The following KIF24 variants were observed in gnomAD, a reference collection of about 807,000 sequenced individuals.
KIF24 encodes kinesin family member 24.
Under a neutral mutation model 118.9 loss-of-function variants are expected in KIF24, and 81 were observed. The observed-to-expected ratio is 0.68, with a 90% CI of 0.57 to 0.82. The LOEUF is 0.82. KIF24 is among the 40% of genes least tolerant of loss of function. KIF24 has a pLI of 0.00. For missense variants in KIF24, 1,560 were observed against 1,661.6 expected, an observed-to-expected ratio of 0.94 and a Z score of 1.06; for synonymous variants, 599 against 610.0, an observed-to-expected ratio of 0.98 and a Z score of 0.27.
chr9:34,317,333 T>C (rs1837361984), intron 1 of KIF24, among the ~76,000 whole-genome samples: 1 of 151,282 alleles, frequency 6.6e-6, no homozygotes, highest in Non-Finnish European at 1.5e-5. Context: ...GACATTGCAG[T>C]GAGCCAAGAT....
At chr9:34,329,902 CAG>C (rs1238783577), upstream of KIF24, among the ~76,000 whole-genome samples, 1 of 152,234 alleles carries the variant, frequency 6.6e-6, no homozygotes, top group Non-Finnish European at 1.5e-5. Flanking sequence ...GTTTAGGGCC[CAG>C]AGGCCCAGGC....
At chr9:34,282,335 C>G (rs1835875987) in intron 6 of KIF24, among the ~76,000 whole-genome samples, 1 of 152,066 alleles carries the variant, frequency 6.6e-6, no homozygotes, top group African/African-American at 2.4e-5. Flanking sequence ...GGCAAATCCA[C>G]AGAGATAGAA....
chr9:34,290,125 CTT>C (rs1408228762), intron 5 of KIF24, 47 bp downstream of exon 5: 1 of 1,365,080 alleles, frequency 7.3e-7, no homozygotes, highest in Admixed American at 1.8e-5. Context: ...GGGACTCTGG[CTT>C]AAAATAGCGA....
chr9:34,290,370 C>T lies in KIF24; in HGVS notation c.931G>A (p.Ala311Thr). Residue 311 changes from alanine to threonine, a missense_variant, in exon 5 of 13, where the codon GCT (alanine) becomes ACT (threonine). Ala to Thr is a moderately conservative substitution (Grantham distance 58, BLOSUM62 0). Coordinates refer to ENST00000402558, the MANE Select transcript of KIF24 (RefSeq NM_194313.4). ...IFNGGNATCF[A>T]YGQTGAGKTY... is the part of the protein sequence containing the mutation. ...TTTCCAGCACCTGTCTGTCCATAAG[C>T]AAAGCAAGTGGCATTGCCTCTGGGG... is the stretch of plus-strand genomic sequence containing the variant. 2 of 1,609,652 alleles carry T rather than the reference C, an allele frequency of 1.2e-6. No individual in the cohort carries two copies. The highest frequency in any genetic ancestry group is 1.7e-6 in the Non-Finnish European group (2 of 1,176,494).
In KIF24 at chr9:34,257,729, G is replaced by A; in HGVS notation, c.1878C>T (p.Val626=). The part of the protein sequence containing the change: ...PNIPFTSAPK[V]SGKRGGSRGS... Reference sequence around the variant, plus strand: ...CTCTGGAGCCACCCCTTTTACCAGAGACCTTAGGTGCAGAAGTAAAAGGAA... The same window carrying A: ...CTCTGGAGCCACCCCTTTTACCAGAAACCTTAGGTGCAGAAGTAAAAGGAA... Residue 626 remains valine, a synonymous_variant, in exon 11 of 13, where the codon GTC becomes GTT. Transcript: ENST00000402558. The A allele has an allele frequency of 1.2e-6, 2 of 1,614,034 alleles. No homozygotes were observed. The highest frequency in any genetic ancestry group is 1.7e-6 in the Non-Finnish European group (2 of 1,179,898).
chr9:34,258,425 A>G (rs547515187), intron 10 of KIF24, among the ~76,000 whole-genome samples: 134 of 152,302 alleles, frequency 8.8e-4, no homozygotes, highest in African/African-American at 3.0e-3. Flanking sequence ...AGCCATGATC[A>G]CACTATTACA....
chr9:34,291,603 G>A (rs1836257777), intron 4 of KIF24, among the ~76,000 whole-genome samples: 1 of 152,194 alleles, frequency 6.6e-6, no homozygotes, highest in Non-Finnish European at 1.5e-5. Context: ...AATAAGAGGT[G>A]GAGAATGGAG....
chr9:34,259,785 T>C, intron 9 of KIF24, 80 bp from the exon 10 acceptor site: 1 of 862,536 alleles, frequency 1.2e-6, no homozygotes, highest in Non-Finnish European at 2.0e-6. Context: ...TGCAGGATGC[T>C]GGGCCATAGT....
intron 6 of KIF24, among the ~76,000 whole-genome samples, chr9:34,283,837 T>C (rs937353185): frequency 6.6e-6 from 1 of 152,174 alleles, no homozygotes; most frequent in Admixed American, 6.5e-5. Flanking sequence ...AACCCCACAA[T>C]AAAATATAAT....
At position 34,259,695 on chromosome 9, in the gene KIF24, T is replaced by A; in HGVS notation, c.1526A>T (p.Asp509Val). ...RQSKLTQVLK[D>V]SFIGNAKTCM... ...GGTTTTGGCATTGCCGATGAAAGAG[T>A]CCTTCAGGACCTGTCCAAAACAGAA... Residue 509 changes from aspartate to valine, a missense_variant, in exon 10 of 13, where the codon GAC becomes GTC. Around this residue, in one of 3 missense-constraint regions of KIF24, gnomAD observed 964 missense variants for 988.0 expected, o/e 0.98. Coordinates refer to ENST00000402558, the MANE Select transcript of KIF24 (RefSeq NM_194313.4). 2 of 1,612,892 alleles carry A rather than the reference T, an allele frequency of 1.2e-6. No individual in the cohort carries two copies. Among genetic ancestry groups the A allele is most frequent in the Non-Finnish European group, 1.7e-6 (2 of 1,179,092 alleles).
intron 1 of KIF24, among the ~76,000 whole-genome samples, chr9:34,315,649 T>C (rs964954655): frequency 6.6e-6 from 1 of 152,230 alleles, no homozygotes; most frequent in Non-Finnish European, 1.5e-5. Context: ...AGCAGTATGA[T>C]CCCACTCAGT....
At chr9:34,295,775 C>T (rs1225197395) in intron 4 of KIF24, among the ~76,000 whole-genome samples, 1 of 152,078 alleles carries the variant, frequency 6.6e-6, no homozygotes, top group East Asian at 1.9e-4. Flanking sequence ...TGGGCTCAAG[C>T]TATCCTCCTG....
Position 34,256,368 on chromosome 9 carries a change from A to G in KIF24, c.3239T>C (p.Leu1080Pro), listed in dbSNP as rs747269713. The G allele has an allele frequency of 2.2e-5, 36 of 1,613,708 alleles. No individual in the cohort carries two copies. The highest frequency in any genetic ancestry group is 2.9e-5 in the Non-Finnish European group (34 of 1,179,888). The change falls in exon 11 of 13, where the codon CTA becomes CCA. Residue 1080 changes from leucine to proline, a missense_variant. Coordinates refer to ENST00000402558, the MANE Select transcript of KIF24 (RefSeq NM_194313.4). ...QLVQDGATHS[L>P]VAESTGGPVV... Reference sequence around the variant, plus strand: ...TGGGCCCCCTGTGCTCTCTGCCACTAGACTGTGCGTAGCCCCATCCTGGAC... The same window carrying G: ...TGGGCCCCCTGTGCTCTCTGCCACTGGACTGTGCGTAGCCCCATCCTGGAC...
At chr9:34,295,376 TA>T (rs558366756) in intron 4 of KIF24, among the ~76,000 whole-genome samples, 4 of 147,904 alleles carry the variant, frequency 2.7e-5, no homozygotes, top group East Asian at 2.0e-4. Context: ...CCTGGCTAAT[TA>T]AAAAAAAAAA....
chr9:34,264,794 A>G (rs1220910221), intron 8 of KIF24, among the ~76,000 whole-genome samples: 2 of 151,988 alleles, frequency 1.3e-5, no homozygotes, highest in African/African-American at 4.8e-5. Context: ...CACCCTCCCA[A>G]CTTACCCCTC....
In KIF24 at chr9:34,252,389, C is replaced by T. The variant is rs1834610538; in HGVS notation, c.*1991G>A. On this transcript the variant is annotated 3_prime_UTR_variant, in exon 13 of 13. Transcript: ENST00000402558. ...CACCTAGTCATAGAAATCAGTCTCT[C>T]TGGTTTGTTTTGTATTATGTTGTAC... 6.6e-6 allele frequency: 1 copy of T among 152,644 alleles called. No individual in the cohort carries two copies. The highest frequency in any genetic ancestry group is 1.5e-5 in the Non-Finnish European group (1 of 68,034). The allele number at this position is 152,644 out of a possible 1,614,324, so 9.5% of individuals were successfully genotyped here.
intron 1 of KIF24, among the ~76,000 whole-genome samples, chr9:34,328,201 T>C (rs928571013): frequency 3.3e-5 from 5 of 152,222 alleles, no homozygotes; most frequent in Non-Finnish European, 7.3e-5. Flanking sequence ...GCAGCTGTTA[T>C]ATGCACTTCA....
chr9:34,307,834 C>T (rs975370828), intron 2 of KIF24, among the ~76,000 whole-genome samples: 15 of 142,506 alleles, frequency 1.1e-4, no homozygotes, highest in Admixed American at 4.4e-4. Context: ...GCATTCCAGC[C>T]TGGGCAACAG....
intron 7 of KIF24, among the ~76,000 whole-genome samples, chr9:34,271,485 A>G (rs1408039749): frequency 2.0e-5 from 3 of 152,204 alleles, no homozygotes; most frequent in Non-Finnish European, 4.4e-5. Flanking sequence ...GAATGGATTA[A>G]TCTTCTCCCC....
Sources: allele counts gnomAD v4.1 joint callset (sites outside exome capture counted in the v4.1 genomes callset), GRCh38; gene constraint gnomAD v4.1.1; regional missense constraint gnomAD v4.1.1; transcripts MANE v1.5; gene names NCBI Gene and HGNC (gene_info 2026-07-23, HGNC 2026-07-21).